EVI5: variants seen among roughly 807,000 people sequenced by gnomAD.
The protein encoded by EVI5 is ecotropic viral integration site 5.
In EVI5, 73 loss-of-function variants were observed where a neutral mutation model predicts 112.0. The ratio of observed to expected loss-of-function variants is 0.65; its 90% CI spans 0.54 to 0.79. EVI5 has a LOEUF of 0.79. EVI5 is among the 30% of genes least tolerant of loss of function. EVI5 has a pLI of 0.00. For missense variants in EVI5, 900 were observed against 968.8 expected (o/e 0.93, Z 0.94); for synonymous variants, 305 against 319.9 (o/e 0.95, Z 0.50).
In EVI5 at chr1:92,539,467, C is replaced by T. The variant is rs111584418; in HGVS notation, c.2166+24175G>A. On this transcript the variant is annotated intron_variant, in intron 19 of 19. Transcript: ENST00000684568. ...GTGAGGCTGGAGGATGGCGGGAACCCGGGAGGCGGAACTAGTAGTGAGACG... is the reference window on the plus strand; with the variant it reads ...GTGAGGCTGGAGGATGGCGGGAACCTGGGAGGCGGAACTAGTAGTGAGACG... Among the ~76,000 whole-genome samples, 324 of 148,062 alleles carry T rather than the reference C, an allele frequency of 2.2e-3. 1 individual carries two copies. Among genetic ancestry groups the T allele is most frequent in the African/African-American group, 6.9e-3 (275 of 40,030 alleles).
chr1:92,691,929 TG>T (rs1669564276), intron 9 of EVI5, among the ~76,000 whole-genome samples: 1 of 152,114 alleles, frequency 6.6e-6, no homozygotes, highest in African/African-American at 2.4e-5. Flanking sequence ...TGGTAAGGTT[TG>T]AAGTAACCAC....
chr1:92,688,876 A>T (rs1207306130), intron 9 of EVI5, among the ~76,000 whole-genome samples: 2 of 152,282 alleles, frequency 1.3e-5, no homozygotes, highest in East Asian at 3.9e-4. Context: ...CATTTTTGAG[A>T]GGTAGGTCCA....
At chr1:92,633,658 T>C (rs879217041) in intron 14 of EVI5, among the ~76,000 whole-genome samples, 1 of 152,226 alleles carries the variant, frequency 6.6e-6, no homozygotes, top group Non-Finnish European at 1.5e-5. Flanking sequence ...AATTGGAGCA[T>C]TTAGCCCCTT....
At chr1:92,534,257 A>G (rs1447317685) in intron 19 of EVI5, among the ~76,000 whole-genome samples, 1 of 152,204 alleles carries the variant, frequency 6.6e-6, no homozygotes, top group Admixed American at 6.5e-5. Flanking sequence ...AGAACTACAA[A>G]CCACTGCTCA....
At chr1:92,547,902 G>A (rs1234762180) in intron 19 of EVI5, among the ~76,000 whole-genome samples, 11 of 152,150 alleles carry the variant, frequency 7.2e-5, no homozygotes, top group South Asian at 6.2e-4. Context: ...ATTCACAGCC[G>A]AATTCCACCA....
intron 18 of EVI5, among the ~76,000 whole-genome samples, chr1:92,574,566 G>T (rs1331900667): frequency 6.6e-6 from 1 of 152,162 alleles, no homozygotes; most frequent in Non-Finnish European, 1.5e-5. Context: ...GATAAAGGTG[G>T]GGTTTAGTAG....
In EVI5 at chr1:92,539,400, G is replaced by C. The variant is rs910654269; in HGVS notation, c.2166+24242C>G. On this transcript the variant is annotated intron_variant, in intron 19 of 19. Transcript: ENST00000684568. ...CTACTAAAAATATAAAAAATTAGCC[G>C]GGTGTAGTGGCGGGCGCCTGTAGTC... Among the ~76,000 whole-genome samples, 5 of 151,966 alleles carry C rather than the reference G, an allele frequency of 3.3e-5. 1 individual carries two copies. Among genetic ancestry groups the C allele is most frequent in the Admixed American group, 3.3e-4 (5 of 15,258 alleles).
chr1:92,513,892 C>T lies in EVI5; in HGVS notation c.2245G>A (p.Gly749Arg), dbSNP rs1218252810. The change falls in exon 20 of 20, where the codon GGA (glycine) becomes AGA (arginine). Residue 749 changes from glycine to arginine, a missense_variant. Coordinates refer to ENST00000684568, the MANE Select transcript of EVI5 (RefSeq NM_001350197.2). ...DGIHIVNHLI[G>R]DDESFHSSDE... ...GAGGAATGGAATGATTCATCATCTC[C>T]TATTAAATGGTTGACAATGTGGATT... 2 of 1,610,162 alleles carry T rather than the reference C, an allele frequency of 1.2e-6. No homozygotes were observed. The highest frequency in any genetic ancestry group is 2.2e-5 in the South Asian group (2 of 90,584).
At chr1:92,561,653 CT>C (rs1557790718) in intron 19 of EVI5, among the ~76,000 whole-genome samples, 8 of 149,366 alleles carry the variant, frequency 5.4e-5, no homozygotes, top group African/African-American at 1.2e-4. Flanking sequence ...ATCTATCTAT[CT>C]ATCTATCTAT....
intron 9 of EVI5, among the ~76,000 whole-genome samples, chr1:92,693,268 C>A (rs1669786168): frequency 6.6e-6 from 1 of 151,832 alleles, no homozygotes; most frequent in African/African-American, 2.4e-5. Flanking sequence ...AGGGTACTTC[C>A]TGTACTCAGG....
At chr1:92,620,521 C>A (rs1230457033) in intron 16 of EVI5, among the ~76,000 whole-genome samples, 1 of 149,240 alleles carries the variant, frequency 6.7e-6, no homozygotes, top group Non-Finnish European at 1.5e-5. Flanking sequence ...TTGAAGGCAA[C>A]CAGAGGAAAA....
chr1:92,576,125 A>T (rs1671039167), intron 18 of EVI5, among the ~76,000 whole-genome samples: 1 of 152,182 alleles, frequency 6.6e-6, no homozygotes, highest in Non-Finnish European at 1.5e-5. Flanking sequence ...GAAGTGAAGG[A>T]CTCAGAAAAC....
chr1:92,760,352 T>A (rs549058681), intron 1 of EVI5, among the ~76,000 whole-genome samples: 1 of 152,262 alleles, frequency 6.6e-6, no homozygotes, highest in South Asian at 2.1e-4. Flanking sequence ...TCTTTTTTTC[T>A]TTTTTCCTGT....
In EVI5 at chr1:92,715,312, T is replaced by G. The variant is rs562849374; in HGVS notation, c.150-10568A>C. Among the ~76,000 whole-genome samples the G allele has an allele frequency of 3.9e-5, 6 of 152,112 alleles. No individual in the cohort carries two copies. In the South Asian group the frequency reaches 1.2e-3, roughly 32 times the overall value. ...GCATAAGCCACCGTGCCCTGACAGT[T>G]TCAATGATTTTTAAAAATACACACA... On this transcript the variant is annotated intron_variant, in intron 2 of 19. Coordinates refer to ENST00000684568, the MANE Select transcript of EVI5 (RefSeq NM_001350197.2).
chr1:92,782,440 A>G (rs1302469739), intron 1 of EVI5, among the ~76,000 whole-genome samples: 2 of 152,222 alleles, frequency 1.3e-5, no homozygotes, highest in East Asian at 1.9e-4. Flanking sequence ...AAAAATAAGC[A>G]TATCAACGAA....
chr1:92,582,811 TA>T (rs1672146009), intron 18 of EVI5, among the ~76,000 whole-genome samples: 1 of 70,330 alleles, frequency 1.4e-5, no homozygotes, highest in African/African-American at 8.2e-5. Context: ...ATACATAAAA[TA>T]TTATAATGAT....
intron 18 of EVI5, among the ~76,000 whole-genome samples, chr1:92,597,643 AAAC>A (rs1215480281): frequency 3.3e-5 from 5 of 152,260 alleles, no homozygotes; most frequent in Admixed American, 6.5e-5. Context: ...TTTATTGTAG[AAAC>A]AACATCAGAA....
At chr1:92,515,634 T>C (rs995437551) in intron 19 of EVI5, among the ~76,000 whole-genome samples, 6 of 152,244 alleles carry the variant, frequency 3.9e-5, no homozygotes. Context: ...CCTACCCTCA[T>C]CCTTGTTTCT....
At chr1:92,584,859 AGACT>A (rs1557839918) in intron 18 of EVI5, among the ~76,000 whole-genome samples, 1 of 152,350 alleles carries the variant, frequency 6.6e-6, no homozygotes, top group East Asian at 1.9e-4. Flanking sequence ...TTCAGTATTA[AGACT>A]GATTTAATTC....
Sources: gnomAD v4.1 joint callset for allele counts (sites outside exome capture counted in the v4.1 genomes callset) on GRCh38, gnomAD v4.1.1 for gene constraint, MANE v1.5 for transcripts, NCBI Gene and HGNC (gene_info 2026-07-23, HGNC 2026-07-21) for gene names.